The following ETNK2 variants were observed in gnomAD, a reference collection of about 807,000 sequenced individuals.
The protein encoded by ETNK2 is ethanolamine kinase-like protein.
ETNK2 carries 33 observed loss-of-function variants against 46.2 expected under a neutral mutation model. The observed-to-expected ratio is 0.71, with a 90% CI of 0.54 to 0.96. ETNK2 has a LOEUF of 0.96. Among genes scored for constraint, ETNK2 ranks in the 40% least tolerant of loss-of-function variants. The probability of loss-of-function intolerance (pLI) is 0.00; values close to 1 mark genes in which losing one functional copy is unlikely to be tolerated. For missense variants in ETNK2, 445 were observed against 509.7 expected (o/e 0.87, Z 1.22); for synonymous variants, 194 against 209.0 (o/e 0.93, Z 0.62).
At chr1:204,143,726 C>G (rs1430050032) in intron 3 of ETNK2, among the ~76,000 whole-genome samples, 1 of 152,166 alleles carries the variant, frequency 6.6e-6, no homozygotes, top group East Asian at 1.9e-4. Context: ...AAGATCTGGA[C>G]AGGCAAGAGT....
intron 1 of ETNK2, 26 bp from the exon 2 acceptor site, chr1:204,149,988 G>A: frequency 8.4e-7 from 1 of 1,187,556 alleles, no homozygotes; most frequent in Non-Finnish European, 1.2e-6. Flanking sequence ...GACAGTGCGT[G>A]GGTGGGTGGG....
At position 204,132,003 on chromosome 1, in the gene ETNK2, G is replaced by A; in HGVS notation, c.*181C>T. On this transcript the variant is annotated 3_prime_UTR_variant, in exon 8 of 8. Transcript: ENST00000367202. ...GGGGTCCTATCAGCCCCTCCAGACA[G>A]GAGAATGAGGTCTTCAGTGGCAACC... 3 of 618,968 alleles carry A rather than the reference G, an allele frequency of 4.8e-6. No homozygotes were observed. Among genetic ancestry groups the A allele is most frequent in the Non-Finnish European group, 8.8e-6 (3 of 342,232 alleles). The allele number at this position is 618,968 out of a possible 1,614,324, so 38.3% of individuals were successfully genotyped here.
rs550461765 is a variant in ETNK2 at position 204,141,586 on chromosome 1, A to G, written c.642-129T>C. 60 of 989,780 alleles carry G rather than the reference A, an allele frequency of 6.1e-5. No individual in the cohort carries two copies. In the South Asian group the frequency reaches 1.0e-3, roughly 17 times the overall value. The allele number at this position is 989,780 out of a possible 1,614,324, so 61.3% of individuals were successfully genotyped here. A position where few individuals can be genotyped will look rare whatever the true frequency, so the allele number is the denominator to read the frequency against. ...GCAGGGGGCCTTGGAAAAATGGCCA[A>G]TCTCTTAGACCCTCACTTTTATCAT... On this transcript the variant is annotated intron_variant, in intron 3 of 7. Transcript: ENST00000367202.
intron 7 of ETNK2, among the ~76,000 whole-genome samples, chr1:204,134,097 C>A (rs933516253): frequency 6.6e-6 from 1 of 152,242 alleles, no homozygotes; most frequent in African/African-American, 2.4e-5. Flanking sequence ...AACCCTTAAC[C>A]ACTGCATGGC....
Position 204,141,372 on chromosome 1 carries a change from C to A in ETNK2, c.727G>T (p.Val243Leu), listed in dbSNP as rs1657525892. 4 of 1,613,996 alleles carry A rather than the reference C, an allele frequency of 2.5e-6. No homozygotes were observed. The highest frequency in any genetic ancestry group is 1.1e-5 in the South Asian group (1 of 91,072). Residue 243 changes from valine to leucine, a missense_variant, in exon 4 of 8, where the codon GTG becomes TTG. Coordinates refer to ENST00000367202, the MANE Select transcript of ETNK2 (RefSeq NM_018208.4). ...AGCAGGTCATTGTGACAAAACACCA[C>A]AGGGGACTCCAGCTGGGACAGATGC... ...KEHLSQLESP[V>L]VFCHNDLLCK...
At chr1:204,141,498 G>A (rs1558234403) in intron 3 of ETNK2, 41 bp from the exon 4 acceptor site, 2 of 1,549,338 alleles carry the variant, frequency 1.3e-6, no homozygotes, top group Non-Finnish European at 1.7e-6. Context: ...AAGGAGGGCT[G>A]ATAGACAGGT....
chr1:204,133,161 G>A (rs758151069), intron 7 of ETNK2, among the ~76,000 whole-genome samples: 23 of 152,082 alleles, frequency 1.5e-4, no homozygotes, highest in Non-Finnish European at 2.8e-4. Context: ...TTGACAGACA[G>A]CTGGGTTGCT....
At chr1:204,139,838 G>A (rs1657430552) in intron 5 of ETNK2, among the ~76,000 whole-genome samples, 197 bp downstream of exon 5, 1 of 152,168 alleles carries the variant, frequency 6.6e-6, no homozygotes, top group Admixed American at 6.5e-5. Flanking sequence ...TTACTATACT[G>A]AATACTGTGG....
In ETNK2 at chr1:204,146,749, T is replaced by C. The variant is rs1472975698; in HGVS notation, c.534A>G (p.Glu178=). 1 of 1,614,024 alleles carries C rather than the reference T, an allele frequency of 6.2e-7. No homozygotes were observed. The highest frequency in any genetic ancestry group is 1.7e-5 in the Admixed American group (1 of 60,024). Residue 178 remains glutamate (E), a synonymous_variant, in exon 3 of 8, where the codon GAA becomes GAG. Coordinates refer to ENST00000367202, the MANE Select transcript of ETNK2 (RefSeq NM_018208.4). ...CGTGGATAGTATGAATCTTTGCCAT[T>C]TCTAAGGCGATTAACCTACAGCAGG... ...EPRLFRLIAL[E]MAKIHTIHAN...
intron 2 of ETNK2, chr1:204,147,569 A>G (rs548127024): frequency 7.5e-6 from 4 of 532,236 alleles, no homozygotes; most frequent in African/African-American, 1.9e-5. Flanking sequence ...CCACCCCCCA[A>G]CCGTCTGCTA....
intron 3 of ETNK2, chr1:204,141,740 T>C (rs1657551863): frequency 4.7e-6 from 2 of 422,716 alleles, no homozygotes; most frequent in African/African-American, 2.0e-5. Context: ...CCCTGCTACT[T>C]TGTGAAAGGA....
intron 3 of ETNK2, 29 bp from the exon 4 acceptor site, chr1:204,141,486 G>A: frequency 6.4e-7 from 1 of 1,555,534 alleles, no homozygotes; most frequent in Non-Finnish European, 8.7e-7. Flanking sequence ...GGTAGCCAGT[G>A]AAAGGAGGGC....
At position 204,132,051 on chromosome 1, in the gene ETNK2, A is replaced by G. The variant is rs1027588062; in HGVS notation, c.*133T>C. 17 of 746,270 alleles carry G rather than the reference A, an allele frequency of 2.3e-5. No homozygotes were observed. The highest frequency in any genetic ancestry group is 6.2e-5 in the Admixed American group (3 of 48,670). 46.2% of individuals were successfully genotyped at this position (746,270 alleles called of 1,614,324 possible). ...ACCACTGGGGTCTGGCGGCAGGGAC[A>G]GAGCCTTCTCCCTGGACACCCATGT... On this transcript the variant is annotated 3_prime_UTR_variant, in exon 8 of 8. Coordinates refer to ENST00000367202, the MANE Select transcript of ETNK2 (RefSeq NM_018208.4).
At position 204,146,240 on chromosome 1, in the gene ETNK2, G is replaced by A. The variant is rs1657774332; in HGVS notation, c.641+402C>T. On this transcript the variant is annotated intron_variant, in intron 3 of 7. Transcript: ENST00000367202. The stretch of plus-strand genomic sequence containing the variant: ...TTCTGAGGGCCCTGCCCTGCTCATG[G>A]TTCAGAAGGTGGGGCAGGTGGAAAG... Among the ~76,000 whole-genome samples, 3 of 152,148 alleles carry A rather than the reference G, an allele frequency of 2.0e-5. No homozygotes were observed. The South Asian group carries it at 6.2e-4, about 32-fold the overall frequency.
chr1:204,133,395 TG>T (rs1657145162), intron 7 of ETNK2, among the ~76,000 whole-genome samples: 1 of 152,212 alleles, frequency 6.6e-6, no homozygotes, highest in South Asian at 2.1e-4. Context: ...TTCCAATTCC[TG>T]CATATCCTTA....
chr1:204,149,990 G>C, intron 1 of ETNK2, 28 bp from the exon 2 acceptor site: 3 of 1,180,828 alleles, frequency 2.5e-6, no homozygotes, highest in South Asian at 2.8e-5. Context: ...CAGTGCGTGG[G>C]TGGGTGGGTG....
At position 204,134,502 on chromosome 1, in the gene ETNK2, C is replaced by T. The variant is rs1319758457; in HGVS notation, c.1088+13G>A. On this transcript the variant is annotated intron_variant, in intron 7 of 7. Transcript: ENST00000367202. The stretch of plus-strand genomic sequence containing the variant: ...CCCTTTTCTCCACGTCCCACCATCA[C>T]CCCCACACTCACCTGAGGAAATCAA... 2 of 1,613,430 alleles carry T rather than the reference C, an allele frequency of 1.2e-6. No homozygotes were observed. Among genetic ancestry groups the T allele is most frequent in the South Asian group, 1.1e-5 (1 of 91,012 alleles).
chr1:204,141,464 A>G lies in ETNK2; in HGVS notation c.642-7T>C, dbSNP rs762982783. 6.4e-7 allele frequency: 1 copy of G among 1,572,938 alleles called. No individual in the cohort carries two copies. The highest frequency in any genetic ancestry group is 8.6e-7 in the Non-Finnish European group (1 of 1,158,996). ...AGGGACATCTGCAGAAAGGCTGGGC[A>G]GTGGCAAAAAAGGTAGCCAGTGAAA... On this transcript the variant is annotated splice_region_variant and splice_polypyrimidine_tract_variant and intron_variant, in intron 3 of 7. Coordinates refer to ENST00000367202, the MANE Select transcript of ETNK2 (RefSeq NM_018208.4).
At chr1:204,134,438 G>T in intron 7 of ETNK2, 77 bp downstream of exon 7, 3 of 1,511,518 alleles carry the variant, frequency 2.0e-6, no homozygotes, top group Non-Finnish European at 2.7e-6. Flanking sequence ...TTCTGCCTGG[G>T]CTGTCCTTTG....
Sources: gnomAD v4.1 joint callset for allele counts (sites outside exome capture counted in the v4.1 genomes callset) on GRCh38, gnomAD v4.1.1 for gene constraint, MANE v1.5 for transcripts, NCBI Gene and HGNC (gene_info 2026-07-23, HGNC 2026-07-21) for gene names.